The following ST8SIA6 variants were observed in gnomAD, a reference collection of about 807,000 sequenced individuals.
ST8SIA6 encodes ST8 alpha-N-acetyl-neuraminide alpha-2,8-sialyltransferase 6.
ST8SIA6 carries 39 observed loss-of-function variants against 33.6 expected under a neutral mutation model. The ratio of observed to expected loss-of-function variants is 1.16; its 90% CI spans 0.90 to 1.52. The LOEUF (loss-of-function observed/expected upper bound fraction) is 1.52. Among genes scored for constraint, ST8SIA6 ranks in the 40% most tolerant of loss-of-function variants. The pLI is 0.00. For synonymous variants in ST8SIA6, 172 were observed against 167.2 expected (o/e 1.03, Z -0.22); for missense variants, 441 against 443.8 (o/e 0.99, Z 0.06).
intron 7 of ST8SIA6, 70 bp from the exon 8 acceptor site, chr10:17,321,416 AG>A: frequency 7.8e-7 from 1 of 1,276,814 alleles, no homozygotes; most frequent in Non-Finnish European, 1.1e-6. Flanking sequence ...GATAACATAA[AG>A]CTGAATTTAC....
At chr10:17,432,737 G>A (rs1233112628) in intron 2 of ST8SIA6, among the ~76,000 whole-genome samples, 1 of 152,204 alleles carries the variant, frequency 6.6e-6, no homozygotes, top group Non-Finnish European at 1.5e-5. Context: ...GGTCCTTGTG[G>A]ACGAACTGTA....
intron 2 of ST8SIA6, among the ~76,000 whole-genome samples, chr10:17,407,424 G>T (rs1851307928): frequency 6.6e-6 from 1 of 152,108 alleles, no homozygotes; most frequent in Non-Finnish European, 1.5e-5. Context: ...TTCTGACCAT[G>T]TGTCCTAAGA....
At chr10:17,426,812 A>T (rs758015966) in intron 2 of ST8SIA6, among the ~76,000 whole-genome samples, 1 of 152,166 alleles carries the variant, frequency 6.6e-6, no homozygotes, top group Non-Finnish European at 1.5e-5. Context: ...AAAAAGTTCT[A>T]TGCACGGGGC....
chr10:17,393,166 A>G (rs1451284817), intron 2 of ST8SIA6, among the ~76,000 whole-genome samples: 1 of 152,142 alleles, frequency 6.6e-6, no homozygotes, highest in African/African-American at 2.4e-5. Context: ...CTTCATATTC[A>G]GACTGGGACT....
intron 2 of ST8SIA6, among the ~76,000 whole-genome samples, chr10:17,396,838 A>G (rs966806412): frequency 1.3e-5 from 2 of 152,272 alleles, no homozygotes; most frequent in Admixed American, 6.5e-5. Flanking sequence ...CCACTAAACC[A>G]TTCTTGGAAA....
chr10:17,321,894 G>A (rs369578529), intron 7 of ST8SIA6, among the ~76,000 whole-genome samples: 5 of 152,062 alleles, frequency 3.3e-5, no homozygotes, highest in South Asian at 4.1e-4. Context: ...CCAGGAGTTC[G>A]AGAACAGCCT....
chr10:17,414,392 G>C (rs1851542232), intron 2 of ST8SIA6, among the ~76,000 whole-genome samples: 1 of 152,092 alleles, frequency 6.6e-6, no homozygotes, highest in Non-Finnish European at 1.5e-5. Context: ...CTCTGCTGCT[G>C]ATGACCTCAC....
At chr10:17,340,672 G>C (rs1487707112) in intron 4 of ST8SIA6, among the ~76,000 whole-genome samples, 1 of 152,170 alleles carries the variant, frequency 6.6e-6, no homozygotes, top group African/African-American at 2.4e-5. Flanking sequence ...TTCTTTTGCA[G>C]CACCAAAAAT....
chr10:17,342,923 T>C (rs1347815506), intron 4 of ST8SIA6, among the ~76,000 whole-genome samples: 1 of 152,182 alleles, frequency 6.6e-6, no homozygotes, highest in Non-Finnish European at 1.5e-5. Flanking sequence ...TGCTCCAGCC[T>C]GGGTGACAGA....
chr10:17,361,437 C>T (rs1214547075), intron 3 of ST8SIA6, among the ~76,000 whole-genome samples: 1 of 151,574 alleles, frequency 6.6e-6, no homozygotes, highest in Non-Finnish European at 1.5e-5. Context: ...TACCAAAGGC[C>T]ACTCAAGAAG....
chr10:17,443,744 G>A (rs991099582), intron 2 of ST8SIA6, among the ~76,000 whole-genome samples: 1 of 152,180 alleles, frequency 6.6e-6, no homozygotes, highest in Admixed American at 6.5e-5. Context: ...AGTGTATGTA[G>A]ATAAATGTAC....
chr10:17,333,698 T>C (rs1374862325), intron 4 of ST8SIA6, among the ~76,000 whole-genome samples: 1 of 25,718 alleles, frequency 3.9e-5, no homozygotes, highest in African/African-American at 1.8e-4. Context: ...TATATATATA[T>C]ATATATATAT....
intron 3 of ST8SIA6, among the ~76,000 whole-genome samples, chr10:17,364,892 A>G (rs1849509056): frequency 6.6e-6 from 1 of 152,238 alleles, no homozygotes; most frequent in Non-Finnish European, 1.5e-5. Context: ...TCTGCTTCAG[A>G]TATCATTTCT....
intron 3 of ST8SIA6, among the ~76,000 whole-genome samples, chr10:17,386,760 C>G (rs761690694): frequency 1.6e-4 from 25 of 152,222 alleles, no homozygotes; most frequent in Admixed American, 1.1e-3. Context: ...CAAATGAGGA[C>G]GGGCAGGGGT....
intron 4 of ST8SIA6, among the ~76,000 whole-genome samples, chr10:17,332,255 C>T (rs554807086): frequency 2.0e-4 from 31 of 152,260 alleles, no homozygotes; most frequent in African/African-American, 5.3e-4. Context: ...AATAAACATA[C>T]GTGTACATGT....
At position 17,398,609 on chromosome 10, in the gene ST8SIA6, G is replaced by A. The variant is rs1850916739; in HGVS notation, c.201-7989C>T. On this transcript the variant is annotated intron_variant, in intron 2 of 7. Transcript: ENST00000377602. ...TTCTATTTACAATGACTATACAGGG[G>A]CTAAAACTGGATTGTGAATTTAAAT... 2.0e-5 allele frequency among the ~76,000 whole-genome samples: 3 copies of A among 152,174 alleles called. No homozygotes were observed. The South Asian group carries it at 6.2e-4, about 31-fold the overall frequency.
At chr10:17,333,953 C>G (rs768672195) in intron 4 of ST8SIA6, among the ~76,000 whole-genome samples, 1 of 149,130 alleles carries the variant, frequency 6.7e-6, no homozygotes, top group African/African-American at 2.5e-5. Context: ...AACTCCTGGC[C>G]TCAAGTGATC....
chr10:17,370,406 T>A (rs1236517049), intron 3 of ST8SIA6, among the ~76,000 whole-genome samples: 2 of 152,210 alleles, frequency 1.3e-5, no homozygotes, highest in African/African-American at 2.4e-5. Context: ...TTCTTTTTTG[T>A]TTCTCTATTC....
chr10:17,407,308 G>A (rs1034180673), intron 2 of ST8SIA6, among the ~76,000 whole-genome samples: 5 of 152,274 alleles, frequency 3.3e-5, no homozygotes, highest in South Asian at 2.1e-4. Flanking sequence ...GTTCAAACCA[G>A]CTGAGACCAC....
Sources: gnomAD v4.1 joint callset for allele counts (sites outside exome capture counted in the v4.1 genomes callset) on GRCh38, gnomAD v4.1.1 for gene constraint, MANE v1.5 for transcripts, NCBI Gene and HGNC (gene_info 2026-07-23, HGNC 2026-07-21) for gene names.